ABTB3: variants seen among roughly 807,000 people sequenced by gnomAD.
ABTB3 encodes the protein ankyrin repeat- and BTB/POZ domain-containing protein 3.
chr12:107,399,857 G>A, the ABTB3 span, among the ~76,000 whole-genome samples: 1 of 151,994 alleles, frequency 6.6e-6, no homozygotes, highest in African/African-American at 2.4e-5. Context: ...AGCCCGACAG[G>A]CCCCAGTGTC....
chr12:107,339,800 A>AAT, the ABTB3 span, among the ~76,000 whole-genome samples: 2 of 152,200 alleles, frequency 1.3e-5, no homozygotes, highest in East Asian at 1.9e-4. Context: ...TTTGATAACT[A>AAT]ATTTGCCAAC....
At chr12:107,349,657 C>G in the ABTB3 span, among the ~76,000 whole-genome samples, 1 of 152,104 alleles carries the variant, frequency 6.6e-6, no homozygotes, top group Non-Finnish European at 1.5e-5. Context: ...CCAGATTTAG[C>G]AAATAAAGAC....
the ABTB3 span, among the ~76,000 whole-genome samples, chr12:107,553,166 G>A: frequency 4.3e-4 from 65 of 152,314 alleles, no homozygotes; most frequent in African/African-American, 1.5e-3. Context: ...ACACCATGGT[G>A]GGTGATCCAT....
chr12:107,351,035 C>G, the ABTB3 span, among the ~76,000 whole-genome samples: 2 of 151,578 alleles, frequency 1.3e-5, no homozygotes, highest in Non-Finnish European at 2.9e-5. Context: ...GATTGGAAAC[C>G]GGAAAAAAAA....
the ABTB3 span, among the ~76,000 whole-genome samples, chr12:107,358,795 A>T: frequency 6.6e-6 from 1 of 152,162 alleles, no homozygotes; most frequent in Admixed American, 6.5e-5. Flanking sequence ...GAGTTTCACC[A>T]TGTTGACCGG....
At chr12:107,480,774 A>G in the ABTB3 span, among the ~76,000 whole-genome samples, 2 of 152,132 alleles carry the variant, frequency 1.3e-5, no homozygotes, top group Admixed American at 6.5e-5. Flanking sequence ...GGCCCACTGC[A>G]TCCACTTTTT....
chr12:107,642,623 T>C, the ABTB3 span, among the ~76,000 whole-genome samples: 1 of 152,136 alleles, frequency 6.6e-6, no homozygotes, highest in South Asian at 2.1e-4. Flanking sequence ...AGGATAGGGC[T>C]CAAGAAAGTT....
chr12:107,529,600 T>C, the ABTB3 span, among the ~76,000 whole-genome samples: 1 of 152,228 alleles, frequency 6.6e-6, no homozygotes, highest in South Asian at 2.1e-4. Flanking sequence ...TTTAATACTA[T>C]GAGGTAGGTA....
the ABTB3 span, among the ~76,000 whole-genome samples, chr12:107,522,608 A>G: frequency 6.6e-6 from 1 of 151,598 alleles, no homozygotes; most frequent in East Asian, 1.9e-4. Flanking sequence ...AGAATATAGT[A>G]GAAACATTTT....
At chr12:107,485,641 A>G in the ABTB3 span, among the ~76,000 whole-genome samples, 1 of 152,206 alleles carries the variant, frequency 6.6e-6, no homozygotes, top group Non-Finnish European at 1.5e-5. Context: ...TACCAGACCA[A>G]AAAAGATAAT....
At chr12:107,630,106 A>G in the ABTB3 span, among the ~76,000 whole-genome samples, 1 of 152,176 alleles carries the variant, frequency 6.6e-6, no homozygotes, top group African/African-American at 2.4e-5. Context: ...AGATTCAAGG[A>G]TGCAGCGGGG....
the ABTB3 span, among the ~76,000 whole-genome samples, chr12:107,549,745 G>A: frequency 2.0e-5 from 3 of 152,160 alleles, no homozygotes; most frequent in Non-Finnish European, 4.4e-5. Flanking sequence ...ATTGCTTATG[G>A]CCAGAATGAT....
At chr12:107,343,071 G>T in the ABTB3 span, among the ~76,000 whole-genome samples, 1 of 152,100 alleles carries the variant, frequency 6.6e-6, no homozygotes, top group African/African-American at 2.4e-5. Context: ...CTGGAGTGCA[G>T]GGGCACGATC....
At chr12:107,441,042 G>C in the ABTB3 span, among the ~76,000 whole-genome samples, 1 of 152,170 alleles carries the variant, frequency 6.6e-6, no homozygotes, top group East Asian at 1.9e-4. Context: ...TGAAATGCCC[G>C]AGCCTGGTGC....
the ABTB3 span, among the ~76,000 whole-genome samples, chr12:107,398,592 G>A: frequency 6.6e-6 from 1 of 152,120 alleles, no homozygotes; most frequent in Non-Finnish European, 1.5e-5. Flanking sequence ...TCCCATTGTG[G>A]CTCTTGAATT....
At chr12:107,583,959 G>GAA in the ABTB3 span, among the ~76,000 whole-genome samples, 1 of 152,138 alleles carries the variant, frequency 6.6e-6, no homozygotes, top group East Asian at 1.9e-4. Context: ...ATTCGATTTG[G>GAA]AAATCATCTT....
the ABTB3 span, among the ~76,000 whole-genome samples, chr12:107,574,360 T>C: frequency 2.0e-5 from 3 of 152,238 alleles, no homozygotes. Flanking sequence ...TGATTCTCTG[T>C]AGGTCATGGT....
chr12:107,544,153 T>C, the ABTB3 span: 1 of 1,612,344 alleles, frequency 6.2e-7, no homozygotes, highest in Non-Finnish European at 8.5e-7. Flanking sequence ...AGAACTGCCT[T>C]GCCTTGCCTT....
At chr12:107,340,784 T>C in the ABTB3 span, among the ~76,000 whole-genome samples, 1 of 152,176 alleles carries the variant, frequency 6.6e-6, no homozygotes, top group Non-Finnish European at 1.5e-5. Flanking sequence ...TCTCCCAGGA[T>C]GGAGCCCTTT....
Sources: gnomAD v4.1 joint callset for allele counts (sites outside exome capture counted in the v4.1 genomes callset) on GRCh38, gnomAD v4.1.1 for gene constraint, MANE v1.5 for transcripts, NCBI Gene and HGNC (gene_info 2026-07-23, HGNC 2026-07-21) for gene names.